LDLRAD2: variants seen among roughly 807,000 people sequenced by gnomAD.
The protein encoded by LDLRAD2 is low density lipoprotein receptor class A domain containing 2.
LDLRAD2 carries 25 observed loss-of-function variants against 24.9 expected under a neutral mutation model. The observed-to-expected ratio is 1.00, with a 90% confidence interval of 0.73 to 1.40. The LOEUF is 1.40. LDLRAD2 is among the 40% of genes most tolerant of loss of function. LDLRAD2 has a pLI of 0.00. For synonymous variants in LDLRAD2, 182 were observed against 166.7 expected, an observed-to-expected ratio of 1.09 and a Z score of -0.71; for missense variants, 391 against 366.2, an observed-to-expected ratio of 1.07 and a Z score of -0.55.
chr1:21,813,063 G>A (rs1222375204), intron 1 of LDLRAD2, among the ~76,000 whole-genome samples: 1 of 152,210 alleles, frequency 6.6e-6, no homozygotes, highest in East Asian at 1.9e-4. Flanking sequence ...CTGTGATGCC[G>A]AGGCGGGCGG....
chr1:21,821,083 G>C (rs573379750), intron 3 of LDLRAD2, among the ~76,000 whole-genome samples: 1 of 152,302 alleles, frequency 6.6e-6, no homozygotes, highest in Non-Finnish European at 1.5e-5. Context: ...GGTAGTCCCA[G>C]CTACTCGGGA....
Position 21,824,859 on chromosome 1 carries a change from C to T in LDLRAD2, c.*2644C>T. 2 of 1,293,604 alleles carry T rather than the reference C, an allele frequency of 1.5e-6. No individual in the cohort carries two copies. Among genetic ancestry groups the T allele is most frequent in the South Asian group, 2.5e-5 (2 of 78,818 alleles). The allele number at this position is 1,293,604 out of a possible 1,614,324, so 80.1% of individuals were successfully genotyped here. A position where few individuals can be genotyped will look rare whatever the true frequency, so the allele number is the denominator to read the frequency against. ...CCGTCAGTTCCCCTGACCCCCACCT[C>T]CACGCCAACATGCAGGACTAGGGGG... On this transcript the variant is annotated 3_prime_UTR_variant, in exon 5 of 5. Transcript: ENST00000344642. This position sits in a 1 kb window ranked among gnomAD's most constrained non-coding sequence, Gnocchi z 5.9.
rs2097960575 is a variant in LDLRAD2 at position 21,824,034 on chromosome 1, T to C, written c.*1819T>C. ...CAAGTTCTGTCTCCACAGAGCTCAA[T>C]ACCTGCCTCTCTGCCCATGGTAGGG... On this transcript the variant is annotated 3_prime_UTR_variant, in exon 5 of 5. Coordinates refer to ENST00000344642, the MANE Select transcript of LDLRAD2 (RefSeq NM_001013693.3). The surrounding 1 kb of genome is among the most constrained non-coding windows in gnomAD (Gnocchi z 5.9). 1.3e-5 allele frequency: 16 copies of C among 1,259,866 alleles called. No homozygotes were observed. Among genetic ancestry groups the C allele is most frequent in the Non-Finnish European group, 1.7e-5 (15 of 880,262 alleles). 78.0% of individuals were successfully genotyped at this position (1,259,866 alleles called of 1,614,324 possible).
intron 4 of LDLRAD2, 167 bp from the exon 5 acceptor site, chr1:21,822,035 C>T: frequency 6.9e-7 from 1 of 1,453,656 alleles, no homozygotes; most frequent in South Asian, 1.4e-5. Flanking sequence ...CCCCCTGGCT[C>T]TCTGTCTGAT....
intron 3 of LDLRAD2, among the ~76,000 whole-genome samples, 181 bp downstream of exon 3, chr1:21,816,255 G>A (rs1041232515): frequency 2.0e-5 from 3 of 152,248 alleles, no homozygotes; most frequent in African/African-American, 7.2e-5. Context: ...TGCTGCAGAT[G>A]ATCTCATCCG....
chr1:21,824,792 G>A lies in LDLRAD2; in HGVS notation c.*2577G>A, dbSNP rs2097964705. On this transcript the variant is annotated 3_prime_UTR_variant, in exon 5 of 5. Coordinates refer to ENST00000344642, the MANE Select transcript of LDLRAD2 (RefSeq NM_001013693.3). The surrounding 1 kb of genome is among the most constrained non-coding windows in gnomAD (Gnocchi z 5.9). ...TGCCCAGGGGCATCTGTGGGAGAGA[G>A]GAGGGTGGTGCCATACCTGCTGCAT... The A allele has an allele frequency of 1.9e-6, 3 of 1,608,090 alleles. No homozygotes were observed. The highest frequency in any genetic ancestry group is 1.7e-6 in the Non-Finnish European group (2 of 1,177,122).
At chr1:21,813,067 C>T (rs1361313645) in intron 1 of LDLRAD2, among the ~76,000 whole-genome samples, 3 of 152,182 alleles carry the variant, frequency 2.0e-5, no homozygotes, top group East Asian at 1.9e-4. Flanking sequence ...GATGCCGAGG[C>T]GGGCGGATCA....
In LDLRAD2 at chr1:21,816,197, C is replaced by G. The variant is rs931448359; in HGVS notation, c.643+123C>G. The G allele has an allele frequency of 8.3e-6, 11 of 1,327,866 alleles. No individual in the cohort carries two copies. In the East Asian group the frequency reaches 2.8e-4, roughly 33 times the overall value. 82.3% of individuals were successfully genotyped at this position (1,327,866 alleles called of 1,614,324 possible). A position where few individuals can be genotyped will look rare whatever the true frequency, so the allele number is the denominator to read the frequency against. On this transcript the variant is annotated intron_variant, in intron 3 of 4. Coordinates refer to ENST00000344642, the MANE Select transcript of LDLRAD2 (RefSeq NM_001013693.3). ...AGAGAGGAAAGCGGAAGTGTGGAAT[C>G]GGCTTAGGCCAAGGGCTGGAGGGGC...
intron 3 of LDLRAD2, among the ~76,000 whole-genome samples, chr1:21,817,345 A>G (rs1203962697): frequency 6.6e-6 from 1 of 151,890 alleles, no homozygotes; most frequent in African/African-American, 2.4e-5. Flanking sequence ...AAATGAACTT[A>G]CTTATTTATT....
rs956883644 is a variant in LDLRAD2, at chr1:21,823,778, C to T, written c.*1563C>T. ...AACTTCCTGGTCCTCCCCGGCCCCA[C>T]GACAGAGTCCCCTCCCTCTGATATC... On this transcript the variant is annotated 3_prime_UTR_variant, in exon 5 of 5. Transcript: ENST00000344642. 88 of 1,305,274 alleles carry T rather than the reference C, an allele frequency of 6.7e-5. No individual in the cohort carries two copies. The Admixed American group carries it at 1.2e-3, about 17-fold the overall frequency. 80.9% of individuals were successfully genotyped at this position (1,305,274 alleles called of 1,614,324 possible).
In LDLRAD2 at chr1:21,814,647, A is replaced by G. The variant is rs2097941948; in HGVS notation, c.335A>G (p.Tyr112Cys). ...APADPCAPGSYLQFYEGPPGA... is the reference protein window; with the variant it reads ...APADPCAPGSCLQFYEGPPGA... ...GCCGACCCGTGCGCCCCCGGCTCCTACCTGCAGTTCTACGAGGGCCCGCCG... is the reference window on the plus strand; with the variant it reads ...GCCGACCCGTGCGCCCCCGGCTCCTGCCTGCAGTTCTACGAGGGCCCGCCG... Residue 112 changes from tyrosine (Y) to cysteine (C), a missense_variant, in exon 2 of 5, where the codon TAC (tyrosine) becomes TGC (cysteine). Coordinates refer to ENST00000344642, the MANE Select transcript of LDLRAD2 (RefSeq NM_001013693.3). The G allele has an allele frequency of 3.1e-6, 5 of 1,602,802 alleles. No homozygotes were observed. Among genetic ancestry groups the G allele is most frequent in the African/African-American group, 1.3e-5 (1 of 74,192 alleles).
intron 1 of LDLRAD2, among the ~76,000 whole-genome samples, chr1:21,813,102 C>A (rs1166007949): frequency 1.3e-5 from 2 of 152,204 alleles, no homozygotes; most frequent in Non-Finnish European, 2.9e-5. Context: ...CAAGACCATC[C>A]TGGCCAACAT....
intron 4 of LDLRAD2, 65 bp from the exon 5 acceptor site, chr1:21,822,137 C>T (rs1446211882): frequency 2.0e-5 from 32 of 1,613,446 alleles, no homozygotes; most frequent in South Asian, 6.6e-5. Flanking sequence ...CTGGGGGCCT[C>T]GCTGATCCCA....
At chr1:21,812,590 C>A in intron 1 of LDLRAD2, 54 bp downstream of exon 1, 1 of 1,419,144 alleles carries the variant, frequency 7.0e-7, no homozygotes, top group Non-Finnish European at 9.9e-7. Flanking sequence ...CCCCCACCAT[C>A]CTTAGAGACT....
intron 3 of LDLRAD2, among the ~76,000 whole-genome samples, chr1:21,819,802 T>C (rs1216613781): frequency 1.3e-5 from 2 of 152,088 alleles, no homozygotes; most frequent in Non-Finnish European, 2.9e-5. Context: ...ACTGGGTACT[T>C]TATAAAGAAA....
chr1:21,817,401 G>A (rs1421386538), intron 3 of LDLRAD2, among the ~76,000 whole-genome samples: 1 of 152,100 alleles, frequency 6.6e-6, no homozygotes, highest in East Asian at 1.9e-4. Flanking sequence ...GGAGTGCAGT[G>A]GCGCCATCTC....
rs1572125883 is a variant in LDLRAD2, at chr1:21,823,857, G to A, written c.*1642G>A. ...GTTTCCCAAGCTCTTTCTTTCCCCC[G>A]CTGAACGAGAGATCGGGCCCCACAA... On this transcript the variant is annotated 3_prime_UTR_variant, in exon 5 of 5. Coordinates refer to ENST00000344642, the MANE Select transcript of LDLRAD2 (RefSeq NM_001013693.3). 7.6e-6 allele frequency: 6 copies of A among 784,888 alleles called. No homozygotes were observed. Among genetic ancestry groups the A allele is most frequent in the East Asian group, 5.3e-5 (2 of 37,590 alleles). 48.6% of individuals were successfully genotyped at this position (784,888 alleles called of 1,614,324 possible).
chr1:21,822,969 G>T lies in LDLRAD2; in HGVS notation c.*754G>T, dbSNP rs1034955221. On this transcript the variant is annotated 3_prime_UTR_variant, in exon 5 of 5. Coordinates refer to ENST00000344642, the MANE Select transcript of LDLRAD2 (RefSeq NM_001013693.3). ...TCTCCTAGGAGTGAGAACTGCCCAA[G>T]GGCTGCAGAAACAGGCCACCCAGCT... is the stretch of plus-strand genomic sequence containing the variant. The T allele has an allele frequency of 9.2e-5, 20 of 218,570 alleles. No individual in the cohort carries two copies. Among genetic ancestry groups the T allele is most frequent in the Admixed American group, 2.1e-4 (4 of 19,310 alleles). 13.5% of individuals were successfully genotyped at this position (218,570 alleles called of 1,614,324 possible).
chr1:21,824,212 C>A lies in LDLRAD2; in HGVS notation c.*1997C>A, dbSNP rs543798581. Reference sequence around the variant, plus strand: ...CCACTACCCAGCTGGTACCTGCAGTCATCCAGGCCCAAGAAGTATGAGCTG... The same window carrying A: ...CCACTACCCAGCTGGTACCTGCAGTAATCCAGGCCCAAGAAGTATGAGCTG... On this transcript the variant is annotated 3_prime_UTR_variant, in exon 5 of 5. Coordinates refer to ENST00000344642, the MANE Select transcript of LDLRAD2 (RefSeq NM_001013693.3). This position sits in a 1 kb window ranked among gnomAD's most constrained non-coding sequence, Gnocchi z 5.9. 1 of 1,613,796 alleles carries A rather than the reference C, an allele frequency of 6.2e-7. No individual in the cohort carries two copies. The highest frequency in any genetic ancestry group is 1.7e-5 in the Admixed American group (1 of 60,020).
Sources: gnomAD v4.1 joint callset for allele counts (sites outside exome capture counted in the v4.1 genomes callset) on GRCh38, gnomAD v4.1.1 for gene constraint, Gnocchi (gnomAD v3.1) non-coding constraint, MANE v1.5 for transcripts, NCBI Gene and HGNC (gene_info 2026-07-23, HGNC 2026-07-21) for gene names.